The following COA8 variants were observed in gnomAD, a reference collection of about 807,000 sequenced individuals.
COA8 encodes cytochrome c oxidase assembly factor 8.
A neutral mutation model predicts 22.0 loss-of-function variants in COA8; 20 were observed. That is an observed-to-expected ratio of 0.91 (90% confidence interval 0.64 to 1.32). The LOEUF (loss-of-function observed/expected upper bound fraction) is 1.32. COA8 is among the 40% of genes most tolerant of loss of function. The pLI is 0.00. For synonymous variants in COA8, 105 were observed against 79.9 expected, an observed-to-expected ratio of 1.31 and a Z score of -1.68; for missense variants, 266 against 230.0, an observed-to-expected ratio of 1.16 and a Z score of -1.01.
chr14:103,568,112 A>G (rs918228000), intron 1 of COA8, among the ~76,000 whole-genome samples: 6 of 152,218 alleles, frequency 3.9e-5, no homozygotes, highest in African/African-American at 7.2e-5. Context: ...GAGAGTTAGA[A>G]CAGGAAGCAA....
At chr14:103,565,127 T>G (rs931650558) in intron 1 of COA8, among the ~76,000 whole-genome samples, 3 of 151,908 alleles carry the variant, frequency 2.0e-5, no homozygotes, top group African/African-American at 7.3e-5. Context: ...GGTTAATTTT[T>G]TTTTCTTTTT....
chr14:103,568,466 T>TACAC (rs200190691), intron 1 of COA8, among the ~76,000 whole-genome samples: 1 of 151,058 alleles, frequency 6.6e-6, no homozygotes, highest in Non-Finnish European at 1.5e-5. Context: ...CATACATACA[T>TACAC]ACACACACAC....
intron 3 of COA8, among the ~76,000 whole-genome samples, chr14:103,586,505 G>T (rs2076308321): frequency 1.3e-5 from 2 of 152,028 alleles, no homozygotes; most frequent in South Asian, 4.1e-4. Flanking sequence ...ACCACGCCCA[G>T]CTAATTTTTG....
chr14:103,589,000 T>C (rs1288222434), intron 4 of COA8, among the ~76,000 whole-genome samples: 1 of 152,182 alleles, frequency 6.6e-6, no homozygotes, highest in Non-Finnish European at 1.5e-5. Context: ...AATCTTTCCC[T>C]GGTCTTTGGA....
intron 1 of COA8, among the ~76,000 whole-genome samples, chr14:103,563,834 A>G (rs1489629370): frequency 2.6e-5 from 4 of 152,238 alleles, no homozygotes; most frequent in Non-Finnish European, 5.9e-5. Flanking sequence ...ACTTGGTTTA[A>G]ACAATAATTA....
chr14:103,583,541 C>CAAA (rs35726464), intron 3 of COA8, among the ~76,000 whole-genome samples: 48 of 52,952 alleles, frequency 9.1e-4, no homozygotes, highest in East Asian at 1.7e-3. Flanking sequence ...GACTCGATCT[C>CAAA]AAAAAAAAAA....
rs752679434 is a variant in COA8, at chr14:103,563,068, G to C, written c.67G>C (p.Gly23Arg). ...PPLCRAFACR[G>R]CQLAPERGAE... ...TCTCTGCCGCGCCTTCGCCTGCCGC[G>C]GCTGTCAACTCGCTCCGGAGCGCGG... The change falls in exon 1 of 5, where the codon GGC (glycine) becomes CGC (arginine). Residue 23 changes from glycine to arginine, a missense_variant. Gly to Arg is a moderately radical substitution (Grantham distance 125). Transcript: ENST00000409074. 1.3e-6 allele frequency: 2 copies of C among 1,541,522 alleles called. No homozygotes were observed. Among genetic ancestry groups the C allele is most frequent in the South Asian group, 1.2e-5 (1 of 84,592 alleles).
intron 3 of COA8, 188 bp downstream of exon 3, chr14:103,574,358 T>A: frequency 1.3e-6 from 1 of 780,516 alleles, no homozygotes; most frequent in Non-Finnish European, 2.2e-6. Context: ...GGCTCTCCAA[T>A]CTCAGCTCCC....
Position 103,581,677 on chromosome 14 carries a change from G to T in COA8, c.386-5597G>T. The T allele has an allele frequency of 2.5e-6, 1 of 398,726 alleles. No homozygotes were observed. The allele number at this position is 398,726 out of a possible 1,614,324, so 24.7% of individuals were successfully genotyped here. On this transcript the variant is annotated intron_variant, in intron 3 of 4. Transcript: ENST00000409074. This position sits in a 1 kb window ranked among gnomAD's most constrained non-coding sequence, Gnocchi z 4.1. ...ACACAGTTGAGTAAACCGAGGCACAGAAGAAAATGAAGTAGCCCCAGATGA... is the reference window on the plus strand; with the variant it reads ...ACACAGTTGAGTAAACCGAGGCACATAAGAAAATGAAGTAGCCCCAGATGA...
chr14:103,563,001 C>T lies in COA8; in HGVS notation c.-1C>T. ...CCGCGGGAGCCAGGGGGCGTGGGGCCATGGTGGTCTTGCGGGCGGGGAAGA... is the reference window on the plus strand; with the variant it reads ...CCGCGGGAGCCAGGGGGCGTGGGGCTATGGTGGTCTTGCGGGCGGGGAAGA... On this transcript the variant is annotated 5_prime_UTR_variant, in exon 1 of 5. Coordinates refer to ENST00000409074, the MANE Select transcript of COA8 (RefSeq NM_001370595.2). 1 of 1,557,520 alleles carries T rather than the reference C, an allele frequency of 6.4e-7. No homozygotes were observed.
At chr14:103,571,107 T>C (rs1407575099) in intron 1 of COA8, among the ~76,000 whole-genome samples, 8 of 152,210 alleles carry the variant, frequency 5.3e-5, no homozygotes, top group Admixed American at 3.3e-4. Flanking sequence ...TTACCAGAAT[T>C]CAGACTCCTC....
In COA8 at chr14:103,571,615, T is replaced by C. The variant is rs2076185042; in HGVS notation, c.124-8T>C. Reference sequence around the variant, plus strand: ...TGTCATATGTTAATCCAATTTACTTTGTTAAAGGTCTCAAGATTCTGCCCT... The same window carrying C: ...TGTCATATGTTAATCCAATTTACTTCGTTAAAGGTCTCAAGATTCTGCCCT... On this transcript the variant is annotated splice_region_variant and splice_polypyrimidine_tract_variant and intron_variant, in intron 1 of 4. Transcript: ENST00000409074. 6.2e-7 allele frequency: 1 copy of C among 1,608,236 alleles called. No homozygotes were observed. Among genetic ancestry groups the C allele is most frequent in the Admixed American group, 1.7e-5 (1 of 59,226 alleles).
intron 3 of COA8, among the ~76,000 whole-genome samples, chr14:103,582,496 C>T (rs2076275494): frequency 6.6e-6 from 1 of 152,162 alleles, no homozygotes; most frequent in African/African-American, 2.4e-5. Context: ...GTAGTCAGGC[C>T]GGGACCTGTC....
chr14:103,590,247 G>A lies in COA8; in HGVS notation c.543G>A (p.Trp181Ter). ...FMGKVALERIWNKLKQKQKKR... is the reference protein window; with the variant it reads ...FMGKVALERI Reference sequence around the variant, plus strand: ...GAAAAGTGGCCCTGGAAAGGATTTGGAACAAGCTTAAACAGAAACAAAAGA... The same window carrying A: ...GAAAAGTGGCCCTGGAAAGGATTTGAAACAAGCTTAAACAGAAACAAAAGA... The change falls in exon 5 of 5, where the codon TGG (tryptophan) becomes TGA (stop). Residue 181 changes from tryptophan (W) to a stop codon, truncating the protein, a stop_gained. Coordinates refer to ENST00000409074, the MANE Select transcript of COA8 (RefSeq NM_001370595.2). LOFTEE classifies it low-confidence loss of function (END_TRUNC). 1 of 1,614,078 alleles carries A rather than the reference G, an allele frequency of 6.2e-7. No individual in the cohort carries two copies. Among genetic ancestry groups the A allele is most frequent in the Non-Finnish European group, 8.5e-7 (1 of 1,179,982 alleles).
At chr14:103,580,278 A>G (rs138018156) in intron 3 of COA8, among the ~76,000 whole-genome samples, 1 of 151,206 alleles carries the variant, frequency 6.6e-6, no homozygotes, top group East Asian at 2.0e-4. Context: ...ATTTTTTTCT[A>G]TGTTGCCTAG....
intron 4 of COA8, among the ~76,000 whole-genome samples, chr14:103,589,763 A>T (rs1460695049): frequency 6.6e-6 from 1 of 151,430 alleles, no homozygotes; most frequent in Admixed American, 6.6e-5. Context: ...AAATACAAAA[A>T]ATTAGCCGGG....
chr14:103,563,316 T>TGCC (rs1566975653), intron 1 of COA8, 192 bp downstream of exon 1: 5 of 783,858 alleles, frequency 6.4e-6, no homozygotes, highest in South Asian at 5.8e-5. Flanking sequence ...GGACTGAGGG[T>TGCC]GCCGCCGCCA....
chr14:103,585,674 C>T (rs2076301071), intron 3 of COA8, among the ~76,000 whole-genome samples: 1 of 144,840 alleles, frequency 6.9e-6, no homozygotes, highest in Non-Finnish European at 1.5e-5. Flanking sequence ...CTCCCGGGTT[C>T]AAGCAATTCT....
At chr14:103,587,765 C>G (rs2076320247) in intron 4 of COA8, among the ~76,000 whole-genome samples, 1 of 151,744 alleles carries the variant, frequency 6.6e-6, no homozygotes, top group African/African-American at 2.4e-5. Flanking sequence ...CCTTGGCCTC[C>G]CAAAGTGCTG....
Sources: allele counts gnomAD v4.1 joint callset (sites outside exome capture counted in the v4.1 genomes callset), GRCh38; gene constraint gnomAD v4.1.1; non-coding constraint Gnocchi (gnomAD v3.1); transcripts MANE v1.5; gene names NCBI Gene and HGNC (gene_info 2026-07-23, HGNC 2026-07-21).